CHST7: variants seen among roughly 807,000 people sequenced by gnomAD.
CHST7 encodes carbohydrate sulfotransferase 7.
CHST7 carries 5 observed loss-of-function variants against 9.0 expected under a neutral mutation model. That is an observed-to-expected ratio of 0.56 (90% CI 0.29 to 1.17). The LOEUF is 1.17. CHST7 is among the 50% of genes most tolerant of loss of function. The probability of loss-of-function intolerance (pLI) is 0.08; values close to 1 mark genes in which losing one functional copy is unlikely to be tolerated. For synonymous variants in CHST7, 244 were observed against 237.1 expected (o/e 1.03, Z -0.27); for missense variants, 377 against 485.1 (o/e 0.78, Z 2.09).
At chrX:46,584,265 C>T (rs776846107) in intron 1 of CHST7, among the ~76,000 whole-genome samples, 1 of 110,776 alleles carries the variant, frequency 9.0e-6, no homozygotes. Context: ...TGGCCGGGTG[C>T]GGTGGCTCAC....
intron 1 of CHST7, among the ~76,000 whole-genome samples, chrX:46,590,090 G>A (rs780525725): frequency 2.4e-4 from 27 of 111,531 alleles, no homozygotes; most frequent in African/African-American, 7.5e-4. Flanking sequence ...TGGGCTGGTA[G>A]TACTCTCCAT....
Position 46,574,479 on chromosome X carries a change from A to ACACGGCCAATCTTAC in CHST7, c.556_570dup (p.Asn186_Ala190dup). 3 of 1,206,600 alleles carry ACACGGCCAATCTTAC rather than the reference A, an allele frequency of 2.5e-6. No individual in the cohort carries two copies. The highest frequency in any genetic ancestry group is 2.2e-6 in the Non-Finnish European group (2 of 893,199). ...GGGGACCCCGCTGCGCGCGCCCCGG[A>ACACGGCCAATCTTAC]CACGGCCAATCTTACCACGGCCGCC... On this transcript the variant is annotated inframe_insertion, in exon 1 of 2. Transcript: ENST00000276055.
In CHST7 at chrX:46,598,187, T is replaced by G. The variant is rs970130280; in HGVS notation, c.*459T>G. Reference sequence around the variant, plus strand: ...ATTACTTAATAATATTATTAAATAATAATAGGTCTGGGCAGTATTGTTTTT... The same window carrying G: ...ATTACTTAATAATATTATTAAATAAGAATAGGTCTGGGCAGTATTGTTTTT... On this transcript the variant is annotated 3_prime_UTR_variant, in exon 2 of 2. Transcript: ENST00000276055. 13 of 112,361 alleles carry G rather than the reference T, an allele frequency of 1.2e-4. No homozygotes were observed. The highest frequency in any genetic ancestry group is 3.9e-4 in the African/African-American group (12 of 30,854). The allele number at this position is 112,361 out of a possible 1,213,427, so 9.3% of individuals were successfully genotyped here. A position where few individuals can be genotyped will look rare whatever the true frequency, so the allele number is the denominator to read the frequency against.
rs779460957 is a variant in CHST7 at position 46,573,908 on chromosome X, C to A, written c.-24C>A. The A allele has an allele frequency of 2.6e-6, 3 of 1,153,066 alleles. No individual in the cohort carries two copies. The African/African-American group carries it at 5.4e-5, about 21-fold the overall frequency. Reference sequence around the variant, plus strand: ...GGAACGGGAGAAGACTGGCGCCCGACCCGCTCTGGAGGGTCGGTGAACGAT... The same window carrying A: ...GGAACGGGAGAAGACTGGCGCCCGAACCGCTCTGGAGGGTCGGTGAACGAT... On this transcript the variant is annotated 5_prime_UTR_variant, in exon 1 of 2. Coordinates refer to ENST00000276055, the MANE Select transcript of CHST7 (RefSeq NM_019886.4).
intron 1 of CHST7, among the ~76,000 whole-genome samples, chrX:46,583,120 A>G (rs1392245718): frequency 9.0e-6 from 1 of 111,322 alleles, no homozygotes; most frequent in Non-Finnish European, 1.9e-5. Context: ...AGAATGAAAC[A>G]AAAAAAACTA....
intron 1 of CHST7, among the ~76,000 whole-genome samples, chrX:46,578,395 G>C (rs749045345): frequency 3.1e-5 from 3 of 97,252 alleles, no homozygotes; most frequent in Non-Finnish European, 6.0e-5. Context: ...TCCCACCTCA[G>C]CCTCCCAAGC....
chrX:46,580,354 A>C (rs1942519277), intron 1 of CHST7, among the ~76,000 whole-genome samples: 2 of 111,515 alleles, frequency 1.8e-5, no homozygotes, highest in Non-Finnish European at 1.9e-5. Flanking sequence ...TACCGTGCCC[A>C]GCCCAGAATG....
intron 1 of CHST7, 39 bp from the exon 2 acceptor site, chrX:46,597,721 G>C (rs1238260087): frequency 1.8e-5 from 2 of 112,946 alleles, no homozygotes; most frequent in Non-Finnish European, 3.7e-5. Flanking sequence ...GGATTTCTGT[G>C]TTCTGAAGTT....
At chrX:46,594,438 A>G (rs1393389989) in intron 1 of CHST7, among the ~76,000 whole-genome samples, 1 of 110,045 alleles carries the variant, frequency 9.1e-6, no homozygotes, top group African/African-American at 3.3e-5. Context: ...AAGGAATGAG[A>G]ATCATCTGAA....
At chrX:46,595,660 T>TAG (rs1258425352) in intron 1 of CHST7, among the ~76,000 whole-genome samples, 3 of 111,363 alleles carry the variant, frequency 2.7e-5, no homozygotes, top group African/African-American at 9.8e-5. Context: ...ATTCAGGATA[T>TAG]AGAGGCAGCA....
chrX:46,593,435 C>T (rs1942580925), intron 1 of CHST7, among the ~76,000 whole-genome samples: 1 of 111,510 alleles, frequency 9.0e-6, no homozygotes, highest in Non-Finnish European at 1.9e-5. Context: ...CTTCTTTGTC[C>T]CTGGTAATTT....
Position 46,578,269 on chromosome X carries a change from C to CTTTTTTTTTTTT in CHST7, c.*31+2859_*31+2870dup, listed in dbSNP as rs3071957. Among the ~76,000 whole-genome samples the CTTTTTTTTTTTT allele has an allele frequency of 1.9e-4, 10 of 51,338 alleles. 1 individual carries two copies. The highest frequency in any genetic ancestry group is 9.4e-4 in the Admixed American group (3 of 3,190). 44.6% of individuals were successfully genotyped at this position (51,338 alleles called of 115,157 possible). A position where few individuals can be genotyped will look rare whatever the true frequency, so the allele number is the denominator to read the frequency against. Reference sequence around the variant, plus strand: ...GAGGGGTTTTTCCTCCTGCCATGCTCTTTTTTTTTTTTTTTTTTTTTTTTG... The same window carrying CTTTTTTTTTTTT: ...GAGGGGTTTTTCCTCCTGCCATGCTCTTTTTTTTTTTTTTTTTTTTTTTTTTTTTTTTTTTTG... On this transcript the variant is annotated intron_variant, in intron 1 of 1. Coordinates refer to ENST00000276055, the MANE Select transcript of CHST7 (RefSeq NM_019886.4).
intron 1 of CHST7, among the ~76,000 whole-genome samples, chrX:46,582,132 T>G (rs1316959596): frequency 2.7e-5 from 3 of 111,907 alleles, no homozygotes. Context: ...TATATTGTAT[T>G]TCATGGTAGG....
At chrX:46,594,100 T>A (rs1402281376) in intron 1 of CHST7, among the ~76,000 whole-genome samples, 10 of 112,814 alleles carry the variant, frequency 8.9e-5, no homozygotes, top group Non-Finnish European at 1.9e-4. Flanking sequence ...CTTTTGTCAT[T>A]TCCTTTCTCT....
rs773541183 is a variant in CHST7, at chrX:46,575,153, A to C, written c.1222A>C (p.Met408Leu). Residue 408 changes from methionine to leucine, a missense_variant, in exon 1 of 2, where the codon ATG becomes CTG. Transcript: ENST00000276055. ...LAALDAFALNMTRGAAYGADR... is the reference protein window; with the variant it reads ...LAALDAFALNLTRGAAYGADR... ...AGCGCTCGATGCCTTCGCGCTCAAC[A>C]TGACTCGCGGCGCGGCCTACGGCGC... 1.2e-4 allele frequency: 129 copies of C among 1,094,954 alleles called. No individual in the cohort carries two copies. The highest frequency in any genetic ancestry group is 1.5e-4 in the Non-Finnish European group (125 of 847,980). The allele number at this position is 1,094,954 out of a possible 1,213,427, so 90.2% of individuals were successfully genotyped here.
At chrX:46,593,684 CCT>C (rs1942581858) in intron 1 of CHST7, among the ~76,000 whole-genome samples, 1 of 110,945 alleles carries the variant, frequency 9.0e-6, no homozygotes, top group African/African-American at 3.3e-5. Context: ...TTGTTTGTTC[CCT>C]CTGTTTTTAT....
chrX:46,576,307 C>T (rs1942499421), intron 1 of CHST7, among the ~76,000 whole-genome samples: 1 of 110,737 alleles, frequency 9.0e-6, no homozygotes, highest in African/African-American at 3.3e-5. Flanking sequence ...CCTCTAGTGT[C>T]GACAAGACCT....
rs765705791 is a variant in CHST7 at position 46,574,150 on chromosome X, C to T, written c.219C>T (p.Ala73=). 8 of 1,168,575 alleles carry T rather than the reference C, an allele frequency of 6.8e-6. No homozygotes were observed. In the Admixed American group the frequency reaches 7.7e-5, roughly 11 times the overall value. ...GEREQGAEAR[A]AEEGGANQSP... ...GCGAGCAGGGAGCGGAGGCGCGGGC[C>T]GCCGAGGAAGGGGGCGCGAACCAGT... is the stretch of plus-strand genomic sequence containing the variant. The change falls in exon 1 of 2, where the codon GCC becomes GCT. Residue 73 remains alanine (A), a synonymous_variant. Coordinates refer to ENST00000276055, the MANE Select transcript of CHST7 (RefSeq NM_019886.4).
chrX:46,584,273 C>T (rs943929575), intron 1 of CHST7, among the ~76,000 whole-genome samples: 15 of 110,938 alleles, frequency 1.4e-4, no homozygotes, highest in African/African-American at 4.9e-4. Context: ...TGCGGTGGCT[C>T]ACACCTGTAA....
Sources: allele counts gnomAD v4.1 joint callset (sites outside exome capture counted in the v4.1 genomes callset), GRCh38; gene constraint gnomAD v4.1.1; transcripts MANE v1.5; gene names NCBI Gene and HGNC (gene_info 2026-07-23, HGNC 2026-07-21).